CHRM2: variants seen among roughly 807,000 people sequenced by gnomAD.
CHRM2 encodes the protein cholinergic receptor muscarinic 2, also known as muscarinic acetylcholine receptor M2.
Under a neutral mutation model 25.0 loss-of-function variants are expected in CHRM2, and 8 were observed. The observed-to-expected ratio is 0.32, with a 90% CI of 0.19 to 0.58. CHRM2 has a LOEUF of 0.58. Among genes scored for constraint, CHRM2 ranks in the 20% least tolerant of loss-of-function variants. The probability of loss-of-function intolerance (pLI) is 0.88; values close to 1 mark genes in which losing one functional copy is unlikely to be tolerated. For synonymous variants in CHRM2, 202 were observed against 205.7 expected (o/e 0.98, Z 0.15); for missense variants, 440 against 567.1 (o/e 0.78, Z 2.28).
chr7:136,961,689 CAA>C (rs1801092652), intron 2 of CHRM2, among the ~76,000 whole-genome samples: 1 of 90,686 alleles, frequency 1.1e-5, no homozygotes, highest in Non-Finnish European at 3.3e-5. Context: ...GGTAAATTCT[CAA>C]ACATTTTTTA....
At chr7:136,942,128 C>G (rs1799808004) in intron 2 of CHRM2, among the ~76,000 whole-genome samples, 1 of 152,102 alleles carries the variant, frequency 6.6e-6, no homozygotes, top group Non-Finnish European at 1.5e-5. Context: ...CTGTCAAACA[C>G]CCAGTATAGG....
chr7:136,987,247 C>T (rs1802917204), intron 2 of CHRM2, among the ~76,000 whole-genome samples: 1 of 152,182 alleles, frequency 6.6e-6, no homozygotes, highest in Non-Finnish European at 1.5e-5. Context: ...ACAGCAGCAG[C>T]CCACAGTCAA....
At chr7:136,928,294 C>T (rs1454595014) in intron 2 of CHRM2, among the ~76,000 whole-genome samples, 2 of 152,152 alleles carry the variant, frequency 1.3e-5, no homozygotes, top group Non-Finnish European at 2.9e-5. Context: ...CTCTGGGCCT[C>T]ATGATTCCCC....
chr7:137,003,535 C>T (rs978125984), intron 3 of CHRM2, among the ~76,000 whole-genome samples: 1 of 110,340 alleles, frequency 9.1e-6, no homozygotes, highest in Non-Finnish European at 1.8e-5. Flanking sequence ...CACACACACA[C>T]ACTAGTTAGG....
chr7:136,913,315 G>A (rs1183922954), intron 2 of CHRM2, among the ~76,000 whole-genome samples: 2 of 151,800 alleles, frequency 1.3e-5, no homozygotes, highest in Non-Finnish European at 2.9e-5. Flanking sequence ...ATTCAAGGTG[G>A]CAAAATACCA....
intron 2 of CHRM2, among the ~76,000 whole-genome samples, chr7:136,925,299 T>A (rs1220489668): frequency 6.6e-6 from 1 of 152,134 alleles, no homozygotes; most frequent in African/African-American, 2.4e-5. Flanking sequence ...GAAACTTCTA[T>A]CTTTTTTTAT....
intron 2 of CHRM2, among the ~76,000 whole-genome samples, chr7:136,968,186 C>T (rs1801532666): frequency 6.6e-6 from 1 of 151,950 alleles, no homozygotes; most frequent in South Asian, 2.1e-4. Flanking sequence ...CAAAACTATT[C>T]CTCCTAACTG....
Position 137,016,252 on chromosome 7 carries a change from G to A in CHRM2, c.1387G>A (p.Gly463Ser), listed in dbSNP as rs375328770. 2 of 1,612,552 alleles carry A rather than the reference G, an allele frequency of 1.2e-6. No homozygotes were observed. The highest frequency in any genetic ancestry group is 2.7e-5 in the African/African-American group (2 of 74,812). The change falls in exon 4 of 4, where the codon GGC becomes AGC. Residue 463 changes from glycine (G) to serine (S), a missense_variant. Physicochemically the swap from Gly to Ser is moderately conservative, Grantham distance 56. This residue lies in a region of CHRM2 where 65 missense variants were observed against 108.9 expected (regional missense o/e 0.60). Coordinates refer to ENST00000680005, the MANE Select transcript of CHRM2 (RefSeq NM_001006630.2). Reference protein sequence around the residue: ...HLLMCHYKNIGATR With the variant: ...HLLMCHYKNISATR ...TCTCATGTGTCATTATAAGAACATA[G>A]GCGCTACAAGGTAAAATATCTTTGA... is the stretch of plus-strand genomic sequence containing the variant.
chr7:136,913,204 TA>T (rs1344364817), intron 2 of CHRM2, among the ~76,000 whole-genome samples: 1 of 151,906 alleles, frequency 6.6e-6, no homozygotes. Context: ...TCCATTAATT[TA>T]CATAATAAAT....
intron 2 of CHRM2, among the ~76,000 whole-genome samples, chr7:136,889,828 T>C (rs1796620181): frequency 6.6e-6 from 1 of 152,222 alleles, no homozygotes; most frequent in Non-Finnish European, 1.5e-5. Flanking sequence ...TTTTTCTCTA[T>C]GTTGAGTATA....
At chr7:136,934,891 T>A (rs1304782064) in intron 2 of CHRM2, among the ~76,000 whole-genome samples, 2 of 152,036 alleles carry the variant, frequency 1.3e-5, no homozygotes, top group South Asian at 4.1e-4. Flanking sequence ...AAGAGGACAT[T>A]ATTTGTTATC....
At chr7:136,876,410 C>T (rs568417030) in intron 2 of CHRM2, among the ~76,000 whole-genome samples, 5 of 152,036 alleles carry the variant, frequency 3.3e-5, no homozygotes, top group South Asian at 2.1e-4. Flanking sequence ...CTCTTTAAAA[C>T]GAAACCAAAT....
chr7:136,895,854 G>T (rs1796875079), intron 2 of CHRM2, among the ~76,000 whole-genome samples: 1 of 152,164 alleles, frequency 6.6e-6, no homozygotes. Context: ...CCATCAGCAA[G>T]ATCAATGAAT....
intron 2 of CHRM2, among the ~76,000 whole-genome samples, chr7:136,912,870 C>T (rs963213854): frequency 4.0e-5 from 6 of 151,828 alleles, no homozygotes; most frequent in East Asian, 1.9e-4. Context: ...CTATGAAACG[C>T]GGTAATGATA....
intron 2 of CHRM2, among the ~76,000 whole-genome samples, chr7:136,971,648 A>T (rs941650730): frequency 6.0e-5 from 9 of 148,960 alleles, no homozygotes; most frequent in African/African-American, 2.2e-4. Flanking sequence ...GACTTGCTGG[A>T]GGAGTTTAGT....
chr7:136,894,065 TC>T, intron 2 of CHRM2, among the ~76,000 whole-genome samples: 1 of 152,268 alleles, frequency 6.6e-6, no homozygotes, highest in South Asian at 2.1e-4. Flanking sequence ...TTTTGACTCT[TC>T]TTAATCCTAT....
chr7:136,974,360 T>C lies in CHRM2; in HGVS notation c.-124-17827T>C, dbSNP rs889612056. ...TTATCCCAAGTGCCAACTGACAACA[T>C]AGAACTGCAAACTCAATTGCACAGA... On this transcript the variant is annotated intron_variant, in intron 2 of 3. Transcript: ENST00000680005. Among the ~76,000 whole-genome samples, 52 of 152,226 alleles carry C rather than the reference T, an allele frequency of 3.4e-4. 1 individual carries two copies. Among genetic ancestry groups the C allele is most frequent in the African/African-American group, 1.2e-3 (49 of 41,524 alleles).
chr7:136,936,817 T>C (rs1202526515), intron 2 of CHRM2, among the ~76,000 whole-genome samples: 4 of 152,190 alleles, frequency 2.6e-5, no homozygotes, highest in African/African-American at 9.6e-5. Flanking sequence ...AATTTTCTTC[T>C]ATATTACCCT....
At chr7:136,933,138 G>A (rs567758686) in intron 2 of CHRM2, among the ~76,000 whole-genome samples, 20 of 152,174 alleles carry the variant, frequency 1.3e-4, no homozygotes, top group Non-Finnish European at 1.9e-4. Flanking sequence ...TTGAACAGTC[G>A]CTCAATGGAC....
Sources: gnomAD v4.1 joint callset for allele counts (sites outside exome capture counted in the v4.1 genomes callset) on GRCh38, gnomAD v4.1.1 for gene constraint, gnomAD v4.1.1 regional missense constraint, MANE v1.5 for transcripts, NCBI Gene and HGNC (gene_info 2026-07-23, HGNC 2026-07-21) for gene names.